Variants in TNNI3K observed in about 807,000 individuals in gnomAD.
The protein encoded by TNNI3K is serine/threonine-protein kinase TNNI3K.
Under a neutral mutation model 114.5 loss-of-function variants are expected in TNNI3K, and 140 were observed. The ratio of observed to expected loss-of-function variants is 1.22; its 90% CI spans 1.07 to 1.41. The LOEUF is 1.41. TNNI3K is among the 40% of genes most tolerant of loss of function. TNNI3K has a pLI of 0.00. For synonymous variants in TNNI3K, 347 were observed against 347.5 expected (o/e 1.00, Z 0.02); for missense variants, 1,125 against 1,007.6 (o/e 1.12, Z -1.58).
chr1:74,439,527 G>A lies in TNNI3K; in HGVS notation c.1916G>A (p.Cys639Tyr), dbSNP rs1185234949. The change falls in exon 20 of 25, where the codon TGC becomes TAC. Residue 639 changes from cysteine to tyrosine, a missense_variant. By Grantham distance (194) the Cys-to-Tyr change is radical. Coordinates refer to ENST00000326637, the MANE Select transcript of TNNI3K (RefSeq NM_015978.3). ...RWMAPEVFTQCTRYTIKADVF... is the reference protein window; with the variant it reads ...RWMAPEVFTQYTRYTIKADVF... ...ATGGCTCCTGAGGTGTTCACGCAGT[G>A]CACTCGGTACACCATCAAAGCAGAT... The A allele has an allele frequency of 6.2e-7, 1 of 1,613,430 alleles. No homozygotes were observed. The highest frequency in any genetic ancestry group is 8.5e-7 in the Non-Finnish European group (1 of 1,179,654).
intron 17 of TNNI3K, among the ~76,000 whole-genome samples, chr1:74,397,895 C>T (rs1221559137): frequency 1.3e-5 from 2 of 152,214 alleles, no homozygotes; most frequent in Admixed American, 1.3e-4. Flanking sequence ...TCCTAGAAGG[C>T]CAAGAAGGCG....
At chr1:74,365,106 C>A (rs748922492) in intron 11 of TNNI3K, among the ~76,000 whole-genome samples, 15 of 152,006 alleles carry the variant, frequency 9.9e-5, no homozygotes, top group Non-Finnish European at 1.6e-4. Flanking sequence ...AAAGCAGTGA[C>A]AAGACCCAAA....
chr1:74,543,718 T>A (rs1271694033), intron 24 of TNNI3K, among the ~76,000 whole-genome samples, 188 bp from the exon 25 acceptor site: 1 of 152,218 alleles, frequency 6.6e-6, no homozygotes, highest in Admixed American at 6.5e-5. Flanking sequence ...CATTCATATT[T>A]GCCTGGTCTC....
At chr1:74,461,911 A>C (rs1442999920) in intron 20 of TNNI3K, among the ~76,000 whole-genome samples, 1 of 152,250 alleles carries the variant, frequency 6.6e-6, no homozygotes, top group Non-Finnish European at 1.5e-5. Context: ...AATGATTAAA[A>C]ACTAAATGCA....
chr1:74,328,410 G>A (rs577425075), intron 5 of TNNI3K, among the ~76,000 whole-genome samples: 26 of 128,748 alleles, frequency 2.0e-4, no homozygotes, highest in Admixed American at 1.5e-3. Flanking sequence ...CTTAGTCCAC[G>A]TGACGGACAA....
At chr1:74,235,839 C>G (rs1018972303) in intron 1 of TNNI3K, among the ~76,000 whole-genome samples, 1 of 150,662 alleles carries the variant, frequency 6.6e-6, no homozygotes, top group Non-Finnish European at 1.5e-5. Context: ...AATTAAAATG[C>G]AATAAAATCA....
At chr1:74,250,812 G>A in intron 4 of TNNI3K, 43 bp downstream of exon 4, 1 of 1,274,960 alleles carries the variant, frequency 7.8e-7, no homozygotes, top group Non-Finnish European at 1.1e-6. Context: ...TGGAACTAAG[G>A]ATAGTGTGTA....
At chr1:74,332,976 A>AAAAACAAAATAAGAG (rs57556485) in intron 6 of TNNI3K, among the ~76,000 whole-genome samples, 1 of 90,708 alleles carries the variant, frequency 1.1e-5, no homozygotes, top group Non-Finnish European at 2.3e-5. Flanking sequence ...AAAAAAAAAA[A>AAAAACAAAATAAGAG]AGAGAGAGAC....
intron 17 of TNNI3K, among the ~76,000 whole-genome samples, chr1:74,426,989 C>T (rs1665668864): frequency 6.6e-6 from 1 of 152,102 alleles, no homozygotes; most frequent in African/African-American, 2.4e-5. Flanking sequence ...GGAAAAACAG[C>T]TCTTCCTTTA....
At chr1:74,451,598 T>A (rs1666996525) in intron 20 of TNNI3K, among the ~76,000 whole-genome samples, 2 of 151,358 alleles carry the variant, frequency 1.3e-5, no homozygotes, top group African/African-American at 2.4e-5. Context: ...CCTTCCTTCC[T>A]TTCTTTTCTT....
chr1:74,384,810 CT>C (rs1227022023), intron 17 of TNNI3K, among the ~76,000 whole-genome samples: 1 of 152,010 alleles, frequency 6.6e-6, no homozygotes, highest in African/African-American at 2.4e-5. Context: ...TCACAATTTT[CT>C]TTCATGTTGA....
At chr1:74,298,913 C>T (rs1322914874) in intron 5 of TNNI3K, among the ~76,000 whole-genome samples, 1 of 152,046 alleles carries the variant, frequency 6.6e-6, no homozygotes, top group Non-Finnish European at 1.5e-5. Context: ...TACCAGTTGG[C>T]AGATTTATTG....
intron 13 of TNNI3K, 102 bp from the exon 14 acceptor site, chr1:74,368,920 T>C (rs1244827614): frequency 1.0e-6 from 1 of 984,748 alleles, no homozygotes; most frequent in Non-Finnish European, 1.4e-6. Context: ...TTAAATGTTA[T>C]TAGGAAATTA....
At chr1:74,446,145 CA>C (rs1191134633) in intron 20 of TNNI3K, among the ~76,000 whole-genome samples, 1 of 152,102 alleles carries the variant, frequency 6.6e-6, no homozygotes, top group Admixed American at 6.5e-5. Context: ...AACTAGTTTA[CA>C]GTCCCACCAA....
chr1:74,406,315 T>A (rs1447297994), intron 17 of TNNI3K, among the ~76,000 whole-genome samples: 2 of 152,204 alleles, frequency 1.3e-5, no homozygotes, highest in Non-Finnish European at 2.9e-5. Context: ...TACGAGTTTT[T>A]TGTTATTTTT....
intron 5 of TNNI3K, among the ~76,000 whole-genome samples, chr1:74,329,354 T>C (rs1660079019): frequency 1.3e-5 from 2 of 152,108 alleles, no homozygotes; most frequent in Non-Finnish European, 2.9e-5. Flanking sequence ...AATTTTTGTA[T>C]TATAAAAACA....
chr1:74,436,617 T>G, intron 19 of TNNI3K, 91 bp downstream of exon 19: 1 of 1,324,636 alleles, frequency 7.5e-7, no homozygotes, highest in Non-Finnish European at 1.0e-6. Flanking sequence ...CAGTTTTAAT[T>G]GGAAGAAATG....
intron 17 of TNNI3K, 50 bp downstream of exon 17, chr1:74,370,442 T>G (rs1356820810): frequency 6.6e-7 from 1 of 1,507,756 alleles, no homozygotes; most frequent in East Asian, 2.3e-5. Context: ...TAACTGGGAG[T>G]TTAAGACAGA....
chr1:74,439,560 G>T lies in TNNI3K; in HGVS notation c.1949G>T (p.Ser650Ile). 1 of 1,613,564 alleles carries T rather than the reference G, an allele frequency of 6.2e-7. No individual in the cohort carries two copies. The highest frequency in any genetic ancestry group is 8.5e-7 in the Non-Finnish European group (1 of 1,179,692). The part of the protein sequence containing the change: ...TRYTIKADVF[S>I]YALCLWEILT... ...TACACCATCAAAGCAGATGTCTTCA[G>T]CTATGCTCTGTGTCTGTGGGAAATT... Residue 650 changes from serine (S) to isoleucine (I), a missense_variant, in exon 20 of 25, where the codon AGC (serine) becomes ATC (isoleucine). Physicochemically the swap from Ser to Ile is moderately radical, Grantham distance 142. Transcript: ENST00000326637.
Sources: allele counts gnomAD v4.1 joint callset (sites outside exome capture counted in the v4.1 genomes callset), GRCh38; gene constraint gnomAD v4.1.1; transcripts MANE v1.5; gene names NCBI Gene and HGNC (gene_info 2026-07-23, HGNC 2026-07-21).